The following OXNAD1 variants were observed in gnomAD, a reference collection of about 807,000 sequenced individuals.
OXNAD1 encodes the protein oxidoreductase NAD binding domain containing 1, also known as oxidoreductase NAD-binding domain-containing protein 1.
A neutral mutation model predicts 32.9 loss-of-function variants in OXNAD1; 34 were observed. The observed-to-expected ratio is 1.03, with a 90% CI of 0.79 to 1.38. The LOEUF is 1.38. Ranked by LOEUF, OXNAD1 falls within the 40% of genes most tolerant of loss-of-function variation. The pLI is 0.00. For synonymous variants in OXNAD1, 134 were observed against 135.2 expected (o/e 0.99, Z 0.06); for missense variants, 407 against 379.4 (o/e 1.07, Z -0.60).
At chr3:16,294,792 C>T in intron 5 of OXNAD1, 64 bp from the exon 6 acceptor site, 1 of 1,496,902 alleles carries the variant, frequency 6.7e-7, no homozygotes, top group Non-Finnish European at 9.1e-7. Flanking sequence ...TTTGTCAATT[C>T]TGTTTAATTT....
Position 16,271,059 on chromosome 3 carries a change from T to A in OXNAD1, c.107T>A (p.Leu36His), listed in dbSNP as rs777378904. 1 of 1,614,026 alleles carries A rather than the reference T, an allele frequency of 6.2e-7. No homozygotes were observed. The highest frequency in any genetic ancestry group is 1.3e-5 in the African/African-American group (1 of 75,034). The change falls in exon 3 of 9, where the codon CTT (leucine) becomes CAT (histidine). Residue 36 changes from leucine to histidine, a missense_variant. Leu to His is a moderately conservative substitution (Grantham distance 99). Coordinates refer to ENST00000285083, the MANE Select transcript of OXNAD1 (RefSeq NM_138381.5). The surrounding 1 kb of genome is among the most constrained non-coding windows in gnomAD (Gnocchi z 4.6). ...LRLTLSTLRH[L>H]TLTSIMKSKR... Reference sequence around the variant, plus strand: ...TTGACACTCAGCACTTTGCGCCACCTTACTCTAACCAGGTGAGTCATTAAG... The same window carrying A: ...TTGACACTCAGCACTTTGCGCCACCATACTCTAACCAGGTGAGTCATTAAG...
rs1243129976 is a variant in OXNAD1, at chr3:16,288,474, A to G, written c.290+2026A>G. On this transcript the variant is annotated intron_variant, in intron 5 of 8. Coordinates refer to ENST00000285083, the MANE Select transcript of OXNAD1 (RefSeq NM_138381.5). This position sits in a 1 kb window ranked among gnomAD's most constrained non-coding sequence, Gnocchi z 5.1. ...GTTCCAGGCACAACTCTAACTAAAT[A>G]AATGAATGTTGTCTGTGACTAGCTG... Among the ~76,000 whole-genome samples the G allele has an allele frequency of 6.6e-6, 1 of 152,202 alleles. No homozygotes were observed. Among genetic ancestry groups the G allele is most frequent in the Non-Finnish European group, 1.5e-5 (1 of 68,040 alleles).
Position 16,302,210 on chromosome 3 carries a change from G to A in OXNAD1, c.675+342G>A, listed in dbSNP as rs2067232904. ...GAGTAGGTAAGACTTAGACAGTTTG[G>A]ACCCAGCTGGGTAAATGAAACCCCT... On this transcript the variant is annotated intron_variant, in intron 7 of 8. Coordinates refer to ENST00000285083, the MANE Select transcript of OXNAD1 (RefSeq NM_138381.5). This position sits in a 1 kb window ranked among gnomAD's most constrained non-coding sequence, Gnocchi z 4.2. Among the ~76,000 whole-genome samples the A allele has an allele frequency of 6.6e-6, 1 of 152,162 alleles. No individual in the cohort carries two copies. The highest frequency in any genetic ancestry group is 6.5e-5 in the Admixed American group (1 of 15,282).
At chr3:16,319,554 C>T (rs2068808992) in intron 9 of OXNAD1, among the ~76,000 whole-genome samples, 1 of 152,178 alleles carries the variant, frequency 6.6e-6, no homozygotes. Context: ...AGGACAATTC[C>T]ACCACGTGCT....
At position 16,271,136 on chromosome 3, in the gene OXNAD1, T is replaced by A; in HGVS notation, c.119+65T>A. The A allele has an allele frequency of 6.4e-7, 1 of 1,566,156 alleles. No homozygotes were observed. Among genetic ancestry groups the A allele is most frequent in the Admixed American group, 1.8e-5 (1 of 56,706 alleles). ...TCAAAGAGACCCGACCTGCTGATGGTTGTGGGAGGCATATCAAACTCCCGG... is the reference window on the plus strand; with the variant it reads ...TCAAAGAGACCCGACCTGCTGATGGATGTGGGAGGCATATCAAACTCCCGG... On this transcript the variant is annotated intron_variant, in intron 3 of 8. Transcript: ENST00000285083. This position sits in a 1 kb window ranked among gnomAD's most constrained non-coding sequence, Gnocchi z 4.6.
At chr3:16,306,774 AT>A (rs1181882574), downstream of OXNAD1, among the ~76,000 whole-genome samples, 9 of 149,652 alleles carry the variant, frequency 6.0e-5, no homozygotes, top group South Asian at 2.1e-4. Flanking sequence ...CGGATTCAAG[AT>A]TTTTTTTTTG....
Position 16,294,905 on chromosome 3 carries a change from T to C in OXNAD1, c.340T>C (p.Cys114Arg). 6.2e-7 allele frequency: 1 copy of C among 1,613,766 alleles called. No individual in the cohort carries two copies. The highest frequency in any genetic ancestry group is 8.5e-7 in the Non-Finnish European group (1 of 1,179,756). Residue 114 changes from cysteine to arginine, a missense_variant, in exon 6 of 9, where the codon TGC becomes CGC. Cys to Arg is a radical substitution (Grantham distance 180). Coordinates refer to ENST00000285083, the MANE Select transcript of OXNAD1 (RefSeq NM_138381.5). ...GVSVVGGFSI[C>R]SSPRLLEQER... ...CTCTGTGGTTGGTGGGTTTTCAATA[T>C]GCTCCAGTCCCAGACTGCTAGAACA...
rs1400273454 is a variant in OXNAD1, at chr3:16,329,668, C to A, written c.*31-7444C>A. On this transcript the variant is annotated intron_variant, in intron 9 of 9. Transcript: ENST00000435829. The surrounding 1 kb of genome is among the most constrained non-coding windows in gnomAD (Gnocchi z 4.5). Reference sequence around the variant, plus strand: ...GAATCCCTGCCCCCATCCCCGTATTCCCAGTTTAAAGAGAGGAGGAAAACC... The same window carrying A: ...GAATCCCTGCCCCCATCCCCGTATTACCAGTTTAAAGAGAGGAGGAAAACC... Among the ~76,000 whole-genome samples, 1 of 152,164 alleles carries A rather than the reference C, an allele frequency of 6.6e-6. No homozygotes were observed. Among genetic ancestry groups the A allele is most frequent in the Non-Finnish European group, 1.5e-5 (1 of 68,022 alleles).
intron 1 of OXNAD1, among the ~76,000 whole-genome samples, chr3:16,268,574 A>G (rs1472437680): frequency 6.6e-6 from 1 of 151,704 alleles, no homozygotes; most frequent in Non-Finnish European, 1.5e-5. Context: ...CAGGCGATCT[A>G]CCCACCTCAT....
rs1212678517 is a variant in OXNAD1, at chr3:16,298,814, A to G, written c.433-2812A>G. On this transcript the variant is annotated intron_variant, in intron 6 of 8. Coordinates refer to ENST00000285083, the MANE Select transcript of OXNAD1 (RefSeq NM_138381.5). The surrounding 1 kb of genome is among the most constrained non-coding windows in gnomAD (Gnocchi z 5.1). Reference sequence around the variant, plus strand: ...TGTTTATTTCACAAGTAGAAAATCTATACCAAAATTAGATACATTGCTGTG... The same window carrying G: ...TGTTTATTTCACAAGTAGAAAATCTGTACCAAAATTAGATACATTGCTGTG... 6.6e-6 allele frequency among the ~76,000 whole-genome samples: 1 copy of G among 152,228 alleles called. No individual in the cohort carries two copies. Among genetic ancestry groups the G allele is most frequent in the Non-Finnish European group, 1.5e-5 (1 of 68,044 alleles).
chr3:16,317,314 C>G lies in OXNAD1; in HGVS notation c.*30+13722C>G. 6 of 1,421,488 alleles carry G rather than the reference C, an allele frequency of 4.2e-6. No homozygotes were observed. Among genetic ancestry groups the G allele is most frequent in the East Asian group, 2.3e-5 (1 of 43,072 alleles). The allele number at this position is 1,421,488 out of a possible 1,614,324, so 88.1% of individuals were successfully genotyped here. ...CCCAAAGCCTTGTTTGCATTCATACCCACACCATGTCTGAGTGAGACATAC... is the reference window on the plus strand; with the variant it reads ...CCCAAAGCCTTGTTTGCATTCATACGCACACCATGTCTGAGTGAGACATAC... On this transcript the variant is annotated intron_variant, in intron 9 of 9. Transcript: ENST00000435829. This position sits in a 1 kb window ranked among gnomAD's most constrained non-coding sequence, Gnocchi z 4.3.
Position 16,334,426 on chromosome 3 carries a change from A to G in OXNAD1, c.*31-2686A>G, listed in dbSNP as rs914378001. 2.6e-5 allele frequency among the ~76,000 whole-genome samples: 4 copies of G among 152,208 alleles called. No individual in the cohort carries two copies. Among genetic ancestry groups the G allele is most frequent in the African/African-American group, 4.8e-5 (2 of 41,458 alleles). On this transcript the variant is annotated intron_variant, in intron 9 of 9. Coordinates refer to the OXNAD1 transcript ENST00000435829. The surrounding 1 kb of genome is among the most constrained non-coding windows in gnomAD (Gnocchi z 4.3). Reference sequence around the variant, plus strand: ...TCACTTCTGGGAATTTAACCTACGTATTAAAAAATGAGAAATGCACAGAGT... The same window carrying G: ...TCACTTCTGGGAATTTAACCTACGTGTTAAAAAATGAGAAATGCACAGAGT...
chr3:16,323,653 C>A (rs548501190), intron 9 of OXNAD1, among the ~76,000 whole-genome samples: 115 of 152,310 alleles, frequency 7.6e-4, no homozygotes, highest in African/African-American at 2.8e-3. Flanking sequence ...AGATGCCCAA[C>A]AAAAGCTTTT....
At chr3:16,307,567 A>C (rs541014628), downstream of OXNAD1, among the ~76,000 whole-genome samples, 1 of 151,530 alleles carries the variant, frequency 6.6e-6, no homozygotes, top group Non-Finnish European at 1.5e-5. Context: ...GAGTGAAAAC[A>C]GTGAAATAGG....
chr3:16,317,481 G>A lies in OXNAD1; in HGVS notation c.*30+13889G>A, dbSNP rs941697913. Among the ~76,000 whole-genome samples, 1 of 152,142 alleles carries A rather than the reference G, an allele frequency of 6.6e-6. No individual in the cohort carries two copies. The highest frequency in any genetic ancestry group is 1.5e-5 in the Non-Finnish European group (1 of 68,020). ...AGATTTCAGGTTCTGTTGGGGCAGAGCAGTATTTCTTTTGACTGGCTCTAT... is the reference window on the plus strand; with the variant it reads ...AGATTTCAGGTTCTGTTGGGGCAGAACAGTATTTCTTTTGACTGGCTCTAT... On this transcript the variant is annotated intron_variant, in intron 9 of 9. Coordinates refer to the OXNAD1 transcript ENST00000435829. The surrounding 1 kb of genome is among the most constrained non-coding windows in gnomAD (Gnocchi z 4.3).
chr3:16,341,258 A>T (rs550876463), downstream of OXNAD1, among the ~76,000 whole-genome samples: 1 of 152,340 alleles, frequency 6.6e-6, no homozygotes, highest in South Asian at 2.1e-4. The surrounding 1 kb of genome is among the most constrained non-coding windows in gnomAD (Gnocchi z 4.7). Flanking sequence ...GTTTCTTACA[A>T]AACTAGACAT....
At position 16,345,786 on chromosome 3, in the gene OXNAD1, CTCTGTG is replaced by C. The variant is rs1210266035; in HGVS notation, c.*31-3388_*31-3383del. ...CATGAGCCAAAACCTTATAATAAAT[CTCTGTG>C]TGTGTGTGTGTGTGTGTGTGTGTGT... On this transcript the variant is annotated intron_variant, in intron 9 of 9. Coordinates refer to the OXNAD1 transcript ENST00000606098. This position sits in a 1 kb window ranked among gnomAD's most constrained non-coding sequence, Gnocchi z 5.2. 1.3e-4 allele frequency among the ~76,000 whole-genome samples: 11 copies of C among 81,556 alleles called. No individual in the cohort carries two copies. The highest frequency in any genetic ancestry group is 5.2e-4 in the Admixed American group (4 of 7,706). 53.5% of individuals were successfully genotyped at this position (81,556 alleles called of 152,430 possible).
rs1328925688 is a variant in OXNAD1 at position 16,297,536 on chromosome 3, C to T, written c.432+2539C>T. On this transcript the variant is annotated intron_variant, in intron 6 of 8. Coordinates refer to ENST00000285083, the MANE Select transcript of OXNAD1 (RefSeq NM_138381.5). The surrounding 1 kb of genome is among the most constrained non-coding windows in gnomAD (Gnocchi z 4.3). ...AATGAAGGCTATGTTTATATAAAAG[C>T]ATAACATGAATATTTATAGCAGTTC... Among the ~76,000 whole-genome samples the T allele has an allele frequency of 6.6e-6, 1 of 152,190 alleles. No homozygotes were observed. Among genetic ancestry groups the T allele is most frequent in the African/African-American group, 2.4e-5 (1 of 41,448 alleles).
chr3:16,292,299 T>C (rs1031431959), intron 5 of OXNAD1, among the ~76,000 whole-genome samples: 1 of 151,820 alleles, frequency 6.6e-6, no homozygotes, highest in Non-Finnish European at 1.5e-5. Flanking sequence ...CGAGTGATTC[T>C]CCTACCTCAG....
Sources: gnomAD v4.1 joint callset for allele counts (sites outside exome capture counted in the v4.1 genomes callset) on GRCh38, gnomAD v4.1.1 for gene constraint, Gnocchi (gnomAD v3.1) non-coding constraint, MANE v1.5 for transcripts, NCBI Gene and HGNC (gene_info 2026-07-23, HGNC 2026-07-21) for gene names.